Variants in RIN3 observed in about 807,000 individuals in gnomAD.
The protein encoded by RIN3 is Ras and Rab interactor 3, also known as RAB5 interacting protein 3.
A neutral mutation model predicts 76.3 loss-of-function variants in RIN3; 54 were observed. The ratio of observed to expected loss-of-function variants is 0.71; its 90% confidence interval spans 0.57 to 0.89. The LOEUF is 0.89. Ranked by LOEUF, RIN3 falls within the 40% of genes least tolerant of loss-of-function variation. The pLI, the probability that RIN3 is intolerant of heterozygous loss-of-function variation, is 0.00. For missense variants in RIN3, 1,256 were observed against 1,322.1 expected (o/e 0.95, Z 0.78); for synonymous variants, 576 against 564.0 (o/e 1.02, Z -0.30).
intron 3 of RIN3, among the ~76,000 whole-genome samples, chr14:92,588,214 C>CTTTTTTTTTTTTTTTTTTTTTTTTTTTTT (rs141155255): frequency 1.7e-5 from 1 of 58,760 alleles, no homozygotes; most frequent in Non-Finnish European, 3.1e-5. Flanking sequence ...CCATAGCACT[C>CTTTTTTTTTTTTTTTTTTTTTTTTTTTTT]TTTTTTTTTT....
chr14:92,515,590 T>G (rs946622823), intron 1 of RIN3: 10 of 332,544 alleles, frequency 3.0e-5, no homozygotes, highest in African/African-American at 1.7e-4. Flanking sequence ...TTAATCATAA[T>G]TATCACCATT....
chr14:92,520,708 C>T (rs572382355), intron 1 of RIN3, among the ~76,000 whole-genome samples: 8 of 152,296 alleles, frequency 5.3e-5, no homozygotes, highest in African/African-American at 1.7e-4. Context: ...AAGTGTGCTT[C>T]TTCACCCATC....
chr14:92,634,202 A>G (rs561346687), intron 4 of RIN3, among the ~76,000 whole-genome samples: 9 of 150,634 alleles, frequency 6.0e-5, no homozygotes, highest in African/African-American at 1.9e-4. Flanking sequence ...AGCCTCCCAC[A>G]TAGCTGGGAT....
chr14:92,614,924 A>G (rs1193209060), intron 3 of RIN3, among the ~76,000 whole-genome samples: 1 of 147,942 alleles, frequency 6.8e-6, no homozygotes, highest in Non-Finnish European at 1.5e-5. Flanking sequence ...GCTCTCTGCA[A>G]CCTCCGCCTC....
At chr14:92,562,983 G>C (rs1031154791) in intron 2 of RIN3, among the ~76,000 whole-genome samples, 13 of 152,138 alleles carry the variant, frequency 8.5e-5, no homozygotes, top group African/African-American at 2.9e-4. Context: ...TTGTGATATA[G>C]ACCAGCCATC....
chr14:92,641,482 A>T (rs1409498719), intron 5 of RIN3, among the ~76,000 whole-genome samples, 153 bp downstream of exon 5: 1 of 152,152 alleles, frequency 6.6e-6, no homozygotes, highest in African/African-American at 2.4e-5. Context: ...GAGCCACGTG[A>T]TAGAGAGATT....
At chr14:92,565,284 C>T (rs1490711164) in intron 2 of RIN3, among the ~76,000 whole-genome samples, 1 of 152,092 alleles carries the variant, frequency 6.6e-6, no homozygotes, top group Non-Finnish European at 1.5e-5. Context: ...TTGTGACATT[C>T]GTTCTCAGGG....
intron 3 of RIN3, among the ~76,000 whole-genome samples, chr14:92,593,072 G>A (rs1006716185): frequency 1.3e-5 from 2 of 152,068 alleles, no homozygotes; most frequent in African/African-American, 2.4e-5. Flanking sequence ...TCCTCACAAC[G>A]TGTGAAGCAG....
At chr14:92,664,163 G>A (rs1595495949) in intron 7 of RIN3, among the ~76,000 whole-genome samples, 2 of 152,078 alleles carry the variant, frequency 1.3e-5, no homozygotes, top group African/African-American at 4.8e-5. Context: ...CTCCACCCCA[G>A]ACAACGCTGC....
intron 3 of RIN3, among the ~76,000 whole-genome samples, chr14:92,582,879 C>T (rs999860066): frequency 1.3e-5 from 2 of 152,208 alleles, no homozygotes. Flanking sequence ...TAATGTGCCG[C>T]TCCTGCCTCT....
At chr14:92,587,189 A>G (rs371014940) in intron 3 of RIN3, among the ~76,000 whole-genome samples, 7 of 152,240 alleles carry the variant, frequency 4.6e-5, no homozygotes, top group African/African-American at 1.4e-4. Flanking sequence ...GCTTCAGAGT[A>G]GAGCTTGACT....
In RIN3 at chr14:92,656,745, C is replaced by A. The variant is rs147004159; in HGVS notation, c.2027-2416C>A. The stretch of plus-strand genomic sequence containing the variant: ...CCAAGGATGGGAAGGGCTGGAGCTA[C>A]AGAGATGGAGAGAAGGGCCCTTCAG... On this transcript the variant is annotated intron_variant, in intron 6 of 9. Coordinates refer to ENST00000216487, the MANE Select transcript of RIN3 (RefSeq NM_024832.5). This position sits in a 1 kb window ranked among gnomAD's most constrained non-coding sequence, Gnocchi z 5.2. Among the ~76,000 whole-genome samples the A allele has an allele frequency of 7.3e-4, 111 of 152,296 alleles. No individual in the cohort carries two copies. The East Asian group carries it at 0.02, about 27-fold the overall frequency.
chr14:92,527,045 T>TC, intron 1 of RIN3, among the ~76,000 whole-genome samples: 1 of 131,144 alleles, frequency 7.6e-6, no homozygotes, highest in African/African-American at 3.3e-5. Context: ...TTTCTCCCCA[T>TC]CTTTTTTTTT....
chr14:92,684,737 C>T (rs756341694), intron 8 of RIN3, among the ~76,000 whole-genome samples: 1 of 152,132 alleles, frequency 6.6e-6, no homozygotes, highest in African/African-American at 2.4e-5. Context: ...GCAAGAGTTT[C>T]GTCCCCAAGG....
intron 1 of RIN3, among the ~76,000 whole-genome samples, chr14:92,554,980 C>T (rs1223117300): frequency 1.3e-5 from 2 of 152,290 alleles, no homozygotes; most frequent in East Asian, 3.9e-4. Context: ...ATTTTATATT[C>T]TTTTTATCAC....
intron 4 of RIN3, among the ~76,000 whole-genome samples, chr14:92,640,966 C>G (rs750620104): frequency 2.6e-5 from 4 of 152,094 alleles, no homozygotes; most frequent in Non-Finnish European, 5.9e-5. Flanking sequence ...GGCCTGGGCT[C>G]AGCAGTCCAG....
intron 8 of RIN3, 145 bp downstream of exon 8, chr14:92,676,751 C>T: frequency 1.2e-6 from 1 of 857,432 alleles, no homozygotes; most frequent in South Asian, 1.6e-5. Flanking sequence ...GTGAATCCTA[C>T]ACAGGTCCTG....
intron 4 of RIN3, among the ~76,000 whole-genome samples, chr14:92,639,188 C>T (rs1409069158): frequency 6.6e-6 from 1 of 152,228 alleles, no homozygotes; most frequent in African/African-American, 2.4e-5. Flanking sequence ...GGGCTCCCAG[C>T]CTCATGTCAC....
chr14:92,652,010 C>G lies in RIN3; in HGVS notation c.961C>G (p.His321Asp), dbSNP rs561310631. Residue 321 changes from histidine (H) to aspartate (D), a missense_variant, in exon 6 of 10, where the codon CAC becomes GAC. Physicochemically the swap from His to Asp is moderately conservative, Grantham distance 81. Around this residue, in one of 3 missense-constraint regions of RIN3, gnomAD observed 610 missense variants for 626.4 expected, o/e 0.97. Coordinates refer to ENST00000216487, the MANE Select transcript of RIN3 (RefSeq NM_024832.5). The surrounding 1 kb of genome is among the most constrained non-coding windows in gnomAD (Gnocchi z 6.4). ...CACCTCTCCCCCAGTGCCTGCCCCC[C>G]ACGTCACACCCCATGCCCCAGGTCC... ...LPTSPPVPAP[H>D]VTPHAPGPPD... The G allele has an allele frequency of 7.6e-6, 12 of 1,573,332 alleles. No homozygotes were observed. The highest frequency in any genetic ancestry group is 2.2e-5 in the East Asian group (1 of 44,470).
Sources: allele counts gnomAD v4.1 joint callset (sites outside exome capture counted in the v4.1 genomes callset), GRCh38; gene constraint gnomAD v4.1.1; regional missense constraint gnomAD v4.1.1; non-coding constraint Gnocchi (gnomAD v3.1); transcripts MANE v1.5; gene names NCBI Gene and HGNC (gene_info 2026-07-23, HGNC 2026-07-21).